The following RNFT1 variants were observed in gnomAD, a reference collection of about 807,000 sequenced individuals.
The protein encoded by RNFT1 is ring finger protein, transmembrane 1.
In RNFT1, 35 loss-of-function variants were observed where a neutral mutation model predicts 53.2. That is an observed-to-expected ratio of 0.66 (90% CI 0.50 to 0.87). The LOEUF (loss-of-function observed/expected upper bound fraction) is 0.87, where lower values mean the gene tolerates loss of function less well. RNFT1 is among the 40% of genes least tolerant of loss of function. The pLI, the probability that RNFT1 is intolerant of heterozygous loss-of-function variation, is 0.00. For missense variants in RNFT1, 421 were observed against 515.0 expected, an observed-to-expected ratio of 0.82 and a Z score of 1.77; for synonymous variants, 141 against 172.8, an observed-to-expected ratio of 0.82 and a Z score of 1.44.
chr17:59,963,307 T>A (rs747068326), intron 1 of RNFT1, 23 bp from the exon 2 acceptor site: 1 of 1,584,004 alleles, frequency 6.3e-7, no homozygotes, highest in African/African-American at 1.3e-5. Flanking sequence ...ATAAAAGATA[T>A]TCTAAGTAAA....
intron 3 of RNFT1, 114 bp from the exon 4 acceptor site, chr17:59,960,282 T>C: frequency 5.1e-6 from 6 of 1,181,504 alleles, no homozygotes; most frequent in Non-Finnish European, 6.9e-6. Context: ...AATCTTAATA[T>C]AGAATATGTT....
chr17:59,962,692 A>G, intron 2 of RNFT1, 76 bp from the exon 3 acceptor site: 1 of 1,366,122 alleles, frequency 7.3e-7, no homozygotes, highest in Non-Finnish European at 1.0e-6. Context: ...AATGACACAA[A>G]TTAAAAATAA....
In RNFT1 at chr17:59,963,050, T is replaced by G. The variant is rs761115438; in HGVS notation, c.291A>C (p.Arg97Ser). The part of the protein sequence containing the change: ...PKECAENASS[R>S]NIRSGVHSCA... ...AGCTATGGACACCTGACCTTATATT[T>G]CTGGAGCTTGCATTTTCTGCACATT... is the stretch of plus-strand genomic sequence containing the variant. The change falls in exon 2 of 9, where the codon AGA becomes AGC. Residue 97 changes from arginine to serine, a missense_variant. Physicochemically the swap from Arg to Ser is moderately radical, Grantham distance 110. Transcript: ENST00000305783. 7.4e-6 allele frequency: 12 copies of G among 1,614,082 alleles called. No individual in the cohort carries two copies. Among genetic ancestry groups the G allele is most frequent in the Middle Eastern group, 3.3e-4 (2 of 6,084 alleles).
intron 3 of RNFT1, among the ~76,000 whole-genome samples, chr17:59,960,773 A>C (rs1381212631): frequency 6.6e-6 from 1 of 152,122 alleles, no homozygotes; most frequent in African/African-American, 2.4e-5. Context: ...AGATCACGCC[A>C]CTGCACTCCA....
intron 4 of RNFT1, 181 bp downstream of exon 4, chr17:59,959,887 G>T: frequency 2.2e-6 from 1 of 457,364 alleles, no homozygotes; most frequent in Non-Finnish European, 3.6e-6. Flanking sequence ...TCCAGGCTGG[G>T]CGAGAGAGTG....
In RNFT1 at chr17:59,954,159, T is replaced by G. The variant is rs372449596; in HGVS notation, c.1072-13A>C. 565 of 1,521,146 alleles carry G rather than the reference T, an allele frequency of 3.7e-4. No homozygotes were observed. Among genetic ancestry groups the G allele is most frequent in the Non-Finnish European group, 4.6e-4 (512 of 1,109,230 alleles). The allele number at this position is 1,521,146 out of a possible 1,614,324, so 94.2% of individuals were successfully genotyped here. ...CCACTCCATAACTCTATGAAGATAG[T>G]AAGTTCTGTTCATCTACAAATTTCT... On this transcript the variant is annotated splice_polypyrimidine_tract_variant and intron_variant, in intron 7 of 8. Transcript: ENST00000305783.
chr17:59,957,711 G>T (rs530350924), intron 5 of RNFT1, among the ~76,000 whole-genome samples: 12 of 152,228 alleles, frequency 7.9e-5, no homozygotes, highest in African/African-American at 2.9e-4. Flanking sequence ...TGGGTGTGGT[G>T]GTGGGCACCT....
chr17:59,957,889 A>T (rs1365378111), intron 5 of RNFT1, among the ~76,000 whole-genome samples: 1 of 152,176 alleles, frequency 6.6e-6, no homozygotes, highest in East Asian at 1.9e-4. Context: ...AGAATGTTTT[A>T]TGTATACTGC....
intron 8 of RNFT1, among the ~76,000 whole-genome samples, chr17:59,953,332 G>A (rs536248006): frequency 2.7e-4 from 41 of 151,760 alleles, no homozygotes; most frequent in Non-Finnish European, 5.9e-4. Flanking sequence ...CAAGTTGCCG[G>A]GATTACAGGT....
chr17:59,963,032 GA>G lies in RNFT1; in HGVS notation c.308del (p.Val103AlafsTer23). ...GTACACATCCATGGGCACAGCTATG[GA>G]CACCTGACCTTATATTTCTGGAGCT... ...NASSRNIRSGVHSCAHGCVHS... is the reference protein window; with the variant it reads ...NASSRNIRSGXHSCAHGCVHS... On this transcript the variant is annotated frameshift_variant, in exon 2 of 9. Transcript: ENST00000305783. LOFTEE classifies it high-confidence loss of function. The G allele has an allele frequency of 6.2e-7, 1 of 1,614,214 alleles. No individual in the cohort carries two copies.
intron 4 of RNFT1, chr17:59,958,673 CG>C (rs2045268954): frequency 1.7e-6 from 1 of 573,154 alleles, no homozygotes; most frequent in African/African-American, 1.8e-5. Flanking sequence ...AAAGTCTTCA[CG>C]GTTTGTCATA....
rs2045255118 is a variant in RNFT1 at position 59,956,494 on chromosome 17, TG to T, written c.1064del (p.Thr355AsnfsTer45). 1 of 1,610,652 alleles carries T rather than the reference TG, an allele frequency of 6.2e-7. No homozygotes were observed. The highest frequency in any genetic ancestry group is 8.5e-7 in the Non-Finnish European group (1 of 1,178,142). On this transcript the variant is annotated frameshift_variant, in exon 7 of 9. Coordinates refer to ENST00000305783, the MANE Select transcript of RNFT1 (RefSeq NM_016125.4). LOFTEE classifies it high-confidence loss of function. ...TFRQVLRIFF[T>X]QPSYGVAASK... ...ACTGATAAAAAGTACTTACTGGTTG[TG>T]TAAAAAATATTCGTAAAACCTGTCT...
At chr17:59,962,447 C>G (rs188071198) in intron 3 of RNFT1, 93 bp downstream of exon 3, 1 of 837,994 alleles carries the variant, frequency 1.2e-6, no homozygotes, top group East Asian at 2.5e-5. Context: ...CTTCCTATTT[C>G]TTTCAAGTTA....
At chr17:59,957,433 T>C (rs1377870260) in intron 5 of RNFT1, 51 bp from the exon 6 acceptor site, 1 of 1,386,344 alleles carries the variant, frequency 7.2e-7, no homozygotes, top group Non-Finnish European at 1.0e-6. Context: ...CTTAACTACA[T>C]AGCACAAACA....
chr17:59,955,408 A>T (rs1468101650), intron 7 of RNFT1, among the ~76,000 whole-genome samples: 1 of 152,186 alleles, frequency 6.6e-6, no homozygotes, highest in Admixed American at 6.5e-5. Flanking sequence ...TTTCCCTGGT[A>T]AAGGAGACTT....
rs1415259969 is a variant in RNFT1 at position 59,954,063 on chromosome 17, T to A, written c.1155A>T (p.Pro385=). Residue 385 remains proline (P), a synonymous_variant, in exon 8 of 9, where the codon CCA becomes CCT. Transcript: ENST00000305783. Reference sequence around the variant, plus strand: ...TAATTACCTGACAAATGAGAAGAATTGGCTTCTGAAATTCAGCTTGACATA... The same window carrying A: ...TAATTACCTGACAAATGAGAAGAATAGGCTTCTGAAATTCAGCTTGACATA... ...CSICQAEFQK[P]ILLICQHIFC... 1 of 1,587,202 alleles carries A rather than the reference T, an allele frequency of 6.3e-7. No individual in the cohort carries two copies. Among genetic ancestry groups the A allele is most frequent in the Non-Finnish European group, 8.6e-7 (1 of 1,167,962 alleles).
chr17:59,954,006 C>G, intron 8 of RNFT1, 39 bp downstream of exon 8: 2 of 1,243,890 alleles, frequency 1.6e-6, no homozygotes. Context: ...TCACAGAGAA[C>G]TGTTGTATTT....
chr17:59,960,136 TA>T lies in RNFT1; in HGVS notation c.623del (p.Leu208TyrfsTer5). The T allele has an allele frequency of 1.2e-6, 2 of 1,608,852 alleles. No individual in the cohort carries two copies. The highest frequency in any genetic ancestry group is 1.7e-5 in the Admixed American group (1 of 59,032). On this transcript the variant is annotated frameshift_variant, in exon 4 of 9. Transcript: ENST00000305783. LOFTEE classifies it high-confidence loss of function. ...CAGAAGATCCTGCTAAGAATACCAG[TA>T]ACCAAGCACACTGAATCTTTGAGGA... is the stretch of plus-strand genomic sequence containing the variant. ...ERSSKIQCAW[L>X]LVFLAGSSVL...
chr17:59,959,974 G>T, intron 4 of RNFT1, 94 bp downstream of exon 4: 3 of 1,204,214 alleles, frequency 2.5e-6, no homozygotes, highest in Non-Finnish European at 3.4e-6. Context: ...GAACTGAACT[G>T]AATACAATAA....
Sources: gnomAD v4.1 joint callset for allele counts (sites outside exome capture counted in the v4.1 genomes callset) on GRCh38, gnomAD v4.1.1 for gene constraint, MANE v1.5 for transcripts, NCBI Gene and HGNC (gene_info 2026-07-23, HGNC 2026-07-21) for gene names.